The following DIP2C variants were observed in gnomAD, a reference collection of about 807,000 sequenced individuals.
The protein encoded by DIP2C is disco-interacting protein 2 homolog C.
A neutral mutation model predicts 192.4 loss-of-function variants in DIP2C; 33 were observed. That is an observed-to-expected ratio of 0.17 (90% CI 0.13 to 0.23). DIP2C has a LOEUF of 0.23. DIP2C is among the 10% of genes least tolerant of loss of function. DIP2C has a pLI of 1.00. For missense variants in DIP2C, 1,537 were observed against 2,110.1 expected (o/e 0.73, Z 5.32); for synonymous variants, 979 against 864.1 (o/e 1.13, Z -2.33).
intron 10 of DIP2C, among the ~76,000 whole-genome samples, chr10:397,648 AC>A (rs1365947599): frequency 1.3e-5 from 2 of 152,122 alleles, no homozygotes; most frequent in Non-Finnish European, 2.9e-5. Context: ...CTCCTACACG[AC>A]TGGCCGCCTA....
intron 3 of DIP2C, among the ~76,000 whole-genome samples, chr10:470,488 C>T (rs910304113): frequency 2.0e-5 from 3 of 152,158 alleles, no homozygotes; most frequent in African/African-American, 7.2e-5. Flanking sequence ...CACGGATGAA[C>T]AGAAAACGCA....
chr10:581,158 A>AT (rs1463177836), intron 1 of DIP2C, among the ~76,000 whole-genome samples: 1 of 152,120 alleles, frequency 6.6e-6, no homozygotes, highest in Non-Finnish European at 1.5e-5. Flanking sequence ...CAAAGTGGAC[A>AT]TCCCCCACCT....
At chr10:430,653 G>A (rs192114032) in intron 4 of DIP2C, 14 of 152,274 alleles carry the variant, frequency 9.2e-5, no homozygotes, top group African/African-American at 3.4e-4. Flanking sequence ...AAGAGTCTTT[G>A]ACATAGCAGA....
intron 1 of DIP2C, among the ~76,000 whole-genome samples, chr10:546,697 G>C (rs1355006520): frequency 6.6e-6 from 1 of 152,158 alleles, no homozygotes; most frequent in Non-Finnish European, 1.5e-5. Context: ...GGTCTGTCCT[G>C]CACTTGAGTG....
At chr10:442,910 T>C (rs1397732573) in intron 3 of DIP2C, among the ~76,000 whole-genome samples, 1 of 152,268 alleles carries the variant, frequency 6.6e-6, no homozygotes, top group Non-Finnish European at 1.5e-5. Context: ...AAGTGATTTT[T>C]ACCCTTCGTG....
chr10:409,344 G>T (rs180864270), intron 8 of DIP2C, among the ~76,000 whole-genome samples: 3 of 152,194 alleles, frequency 2.0e-5, no homozygotes, highest in Non-Finnish European at 4.4e-5. Flanking sequence ...ACACACCGTC[G>T]TCACAGGGCT....
At chr10:597,494 T>C (rs954349206) in intron 1 of DIP2C, among the ~76,000 whole-genome samples, 14 of 152,164 alleles carry the variant, frequency 9.2e-5, no homozygotes, top group African/African-American at 3.1e-4. Context: ...ACCTGGTGAA[T>C]GGAGACCAAT....
At chr10:518,470 G>C (rs780235422) in intron 1 of DIP2C, among the ~76,000 whole-genome samples, 1 of 152,198 alleles carries the variant, frequency 6.6e-6, no homozygotes, top group Non-Finnish European at 1.5e-5. Flanking sequence ...CACCCCCAAC[G>C]TGACAGTGTC....
intron 1 of DIP2C, among the ~76,000 whole-genome samples, chr10:673,349 C>G (rs1178701904): frequency 6.6e-6 from 1 of 152,158 alleles, no homozygotes; most frequent in East Asian, 1.9e-4. Context: ...ATGCTGTCTC[C>G]TGGGAAAGCA....
intron 10 of DIP2C, among the ~76,000 whole-genome samples, chr10:398,179 G>A (rs1964143581): frequency 6.6e-6 from 1 of 152,140 alleles, no homozygotes; most frequent in Admixed American, 6.5e-5. Flanking sequence ...TCCTGATCCA[G>A]GGGAGAATTA....
At chr10:587,897 C>G (rs544981416) in intron 1 of DIP2C, among the ~76,000 whole-genome samples, 10 of 20,948 alleles carry the variant, frequency 4.8e-4, no homozygotes, top group Admixed American at 3.9e-4. Context: ...CCTCAGCCCT[C>G]ACCCTCCTGA....
intron 1 of DIP2C, among the ~76,000 whole-genome samples, chr10:555,968 T>C (rs1376744090): frequency 6.6e-6 from 1 of 152,100 alleles, no homozygotes; most frequent in Non-Finnish European, 1.5e-5. Flanking sequence ...CCTTTGCTCC[T>C]GACCCTGCCC....
chr10:545,295 C>A (rs1848227557), intron 1 of DIP2C, among the ~76,000 whole-genome samples: 2 of 150,362 alleles, frequency 1.3e-5, no homozygotes, highest in Non-Finnish European at 3.0e-5. Context: ...GCCTCCTGGG[C>A]AGCTGGGACT....
chr10:497,103 G>A (rs1206043980), intron 1 of DIP2C, among the ~76,000 whole-genome samples: 1 of 151,890 alleles, frequency 6.6e-6, no homozygotes, highest in African/African-American at 2.4e-5. Context: ...CAGCCTGGGC[G>A]ACTAGAGCAA....
intron 1 of DIP2C, among the ~76,000 whole-genome samples, chr10:556,988 A>G (rs952057397): frequency 2.0e-5 from 3 of 152,226 alleles, no homozygotes; most frequent in African/African-American, 7.2e-5. Context: ...GACAACAGCC[A>G]GGGCTTCTCA....
intron 1 of DIP2C, among the ~76,000 whole-genome samples, chr10:615,447 T>C (rs1853399349): frequency 1.3e-5 from 2 of 152,132 alleles, no homozygotes; most frequent in African/African-American, 4.8e-5. Context: ...ATTTGAACTT[T>C]CGCCACTGAG....
chr10:409,340 C>T (rs560289348), intron 8 of DIP2C, among the ~76,000 whole-genome samples: 3 of 152,228 alleles, frequency 2.0e-5, no homozygotes, highest in South Asian at 2.1e-4. Flanking sequence ...GTGCACACAC[C>T]GTCGTCACAG....
chr10:404,742 C>A (rs1964684584), intron 9 of DIP2C, among the ~76,000 whole-genome samples: 1 of 152,146 alleles, frequency 6.6e-6, no homozygotes, highest in African/African-American at 2.4e-5. Flanking sequence ...TGAATATTTC[C>A]TTTCTGTATG....
At position 398,658 on chromosome 10, in the gene DIP2C, C is replaced by T. The variant is rs565791362; in HGVS notation, c.1260+451G>A. On this transcript the variant is annotated intron_variant, in intron 10 of 36. Transcript: ENST00000280886. ...TTGACAACGCACATTAATTTCTTTA[C>T]ATTGGATTAAACAATAATTACAATG... Among the ~76,000 whole-genome samples, 157 of 152,314 alleles carry T rather than the reference C, an allele frequency of 1.0e-3. 1 individual carries two copies. The highest frequency in any genetic ancestry group is 2.5e-3 in the Admixed American group (38 of 15,294).
Sources: gnomAD v4.1 joint callset for allele counts (sites outside exome capture counted in the v4.1 genomes callset) on GRCh38, gnomAD v4.1.1 for gene constraint, MANE v1.5 for transcripts, NCBI Gene and HGNC (gene_info 2026-07-23, HGNC 2026-07-21) for gene names.